Variants in CRACDL observed in about 807,000 individuals in gnomAD.
CRACDL encodes the protein CRACD like, also known as CRACD-like protein.
Under a neutral mutation model 70.6 loss-of-function variants are expected in CRACDL, and 26 were observed. The ratio of observed to expected loss-of-function variants is 0.37; its 90% CI spans 0.27 to 0.51. The LOEUF is 0.51. CRACDL is among the 20% of genes least tolerant of loss of function. The pLI is 0.94. For missense variants in CRACDL, 1,283 were observed against 1,376.9 expected (o/e 0.93, Z 1.08); for synonymous variants, 618 against 615.2 (o/e 1.00, Z -0.07).
chr2:98,908,679 A>T (rs1462618477), intron 1 of CRACDL, among the ~76,000 whole-genome samples: 1 of 152,220 alleles, frequency 6.6e-6, no homozygotes, highest in Non-Finnish European at 1.5e-5. Flanking sequence ...CCTGGACAAC[A>T]GACCAAGGCT....
At chr2:98,818,895 C>T (rs1233108899) in intron 7 of CRACDL, among the ~76,000 whole-genome samples, 2 of 152,170 alleles carry the variant, frequency 1.3e-5, no homozygotes, top group African/African-American at 2.4e-5. Context: ...ATACCACTGC[C>T]CCTGCCCCCA....
At chr2:98,910,874 C>T (rs1242952824) in intron 1 of CRACDL, among the ~76,000 whole-genome samples, 5 of 152,174 alleles carry the variant, frequency 3.3e-5, no homozygotes, top group Admixed American at 2.0e-4. Context: ...TTAAATGAGG[C>T]GATGTAAATA....
chr2:98,802,306 C>T (rs760085670), intron 7 of CRACDL, among the ~76,000 whole-genome samples: 7 of 152,252 alleles, frequency 4.6e-5, no homozygotes, highest in Admixed American at 6.5e-5. Context: ...TCCATGCACA[C>T]GCTGTGTGTT....
chr2:98,904,962 T>TGGGCCCGGCC (rs1708369908), intron 1 of CRACDL, among the ~76,000 whole-genome samples: 1 of 152,106 alleles, frequency 6.6e-6, no homozygotes, highest in African/African-American at 2.4e-5. Flanking sequence ...TAAGAGAGGC[T>TGGGCCCGGCC]GGGCCCGGCC....
chr2:98,907,109 T>C (rs759336761), intron 1 of CRACDL, among the ~76,000 whole-genome samples: 27 of 152,016 alleles, frequency 1.8e-4, no homozygotes, highest in African/African-American at 6.5e-4. Context: ...CTGGCCAACA[T>C]GGTGAAACCC....
intron 1 of CRACDL, among the ~76,000 whole-genome samples, chr2:98,854,550 G>C (rs1309804773): frequency 6.6e-6 from 1 of 151,974 alleles, no homozygotes; most frequent in Non-Finnish European, 1.5e-5. Context: ...GACTGGTAGA[G>C]AGAAAATATT....
chr2:98,932,822 C>G (rs927589894), intron 1 of CRACDL, among the ~76,000 whole-genome samples: 3 of 152,200 alleles, frequency 2.0e-5, no homozygotes, highest in Non-Finnish European at 4.4e-5. Flanking sequence ...CTAGAGCTCT[C>G]CCCAAAGCCA....
At chr2:98,920,197 C>T (rs554456871) in intron 1 of CRACDL, among the ~76,000 whole-genome samples, 1 of 152,306 alleles carries the variant, frequency 6.6e-6, no homozygotes, top group African/African-American at 2.4e-5. Flanking sequence ...ACACGCTGAA[C>T]ATCTCTACCT....
At chr2:98,863,594 C>T (rs558536322) in intron 1 of CRACDL, among the ~76,000 whole-genome samples, 1 of 152,220 alleles carries the variant, frequency 6.6e-6, no homozygotes, top group South Asian at 2.1e-4. Context: ...GAGGTACAGG[C>T]TTTTAAAACC....
chr2:98,838,371 G>A (rs777084416), intron 2 of CRACDL, 84 bp from the exon 3 acceptor site: 1 of 731,740 alleles, frequency 1.4e-6, no homozygotes, highest in African/African-American at 1.8e-5. Flanking sequence ...ACGTAAAAGA[G>A]AGAAAGCAAG....
At chr2:98,854,048 C>T (rs1200313044) in intron 1 of CRACDL, among the ~76,000 whole-genome samples, 1 of 151,910 alleles carries the variant, frequency 6.6e-6, no homozygotes, top group South Asian at 2.1e-4. Flanking sequence ...CTTTGGGAGG[C>T]CGAGGTGGGT....
rs372657861 is a variant in CRACDL at position 98,922,492 on chromosome 2, T to C, written c.-11+13446A>G. 2.6e-4 allele frequency among the ~76,000 whole-genome samples: 40 copies of C among 152,100 alleles called. 1 individual carries two copies. Among genetic ancestry groups the C allele is most frequent in the African/African-American group, 9.2e-4 (38 of 41,496 alleles). ...AAGAAAGAAAAGAAATTAAAACACT[T>C]TCACAAGCCTCTCAAACTACAATGG... On this transcript the variant is annotated intron_variant, in intron 1 of 9. Coordinates refer to ENST00000397899, the MANE Select transcript of CRACDL (RefSeq NM_207362.3).
chr2:98,912,247 G>C (rs1020175934), intron 1 of CRACDL, among the ~76,000 whole-genome samples: 1 of 152,212 alleles, frequency 6.6e-6, no homozygotes, highest in African/African-American at 2.4e-5. Context: ...TTAACAAAAA[G>C]GCAGTTCGCA....
intron 5 of CRACDL, among the ~76,000 whole-genome samples, chr2:98,830,179 T>C (rs1485284119): frequency 2.0e-5 from 3 of 152,278 alleles, no homozygotes; most frequent in African/African-American, 7.2e-5. Flanking sequence ...TCATTTTATC[T>C]TAAAAACCAC....
intron 1 of CRACDL, among the ~76,000 whole-genome samples, chr2:98,905,645 TTGA>T (rs1708392958): frequency 7.9e-6 from 1 of 126,654 alleles, no homozygotes; most frequent in African/African-American, 3.4e-5. Flanking sequence ...TTTTTTTTTT[TTGA>T]GACAGAGTCT....
chr2:98,928,725 A>G (rs919773418), intron 1 of CRACDL, among the ~76,000 whole-genome samples: 10 of 152,218 alleles, frequency 6.6e-5, no homozygotes, highest in South Asian at 2.1e-4. Flanking sequence ...AGAAAACAAG[A>G]TAACACTGGC....
chr2:98,881,214 C>T (rs1707642395), intron 1 of CRACDL, among the ~76,000 whole-genome samples: 1 of 152,210 alleles, frequency 6.6e-6, no homozygotes. Flanking sequence ...CCTGCCAGGG[C>T]ATGTTCAGAA....
At chr2:98,907,081 C>G (rs1191986624) in intron 1 of CRACDL, among the ~76,000 whole-genome samples, 1 of 152,100 alleles carries the variant, frequency 6.6e-6, no homozygotes, top group Non-Finnish European at 1.5e-5. Flanking sequence ...CACCTGAGGT[C>G]AGGAGTTCAA....
Position 98,832,916 on chromosome 2 carries a change from C to T in CRACDL, c.321G>A (p.Arg107=). The change falls in exon 4 of 10, where the codon CGG becomes CGA. Residue 107 remains arginine (R), a synonymous_variant. Transcript: ENST00000397899. ...FIPESGQDAT[R]PVRVFSQENV... ...TTTCTTGGGAAAACACCCGCACAGG[C>T]CGAGTAGCGTCCTGTCCGGACTCAG... 2 of 1,613,922 alleles carry T rather than the reference C, an allele frequency of 1.2e-6. No homozygotes were observed.
Sources: gnomAD v4.1 joint callset for allele counts (sites outside exome capture counted in the v4.1 genomes callset) on GRCh38, gnomAD v4.1.1 for gene constraint, MANE v1.5 for transcripts, NCBI Gene and HGNC (gene_info 2026-07-23, HGNC 2026-07-21) for gene names.